The following PKHD1 variants were observed in gnomAD, a reference collection of about 807,000 sequenced individuals.
PKHD1 encodes the protein fibrocystin.
A neutral mutation model predicts 412.0 loss-of-function variants in PKHD1; 291 were observed. The ratio of observed to expected loss-of-function variants is 0.71; its 90% CI spans 0.64 to 0.78. The LOEUF (loss-of-function observed/expected upper bound fraction) is 0.78. Among genes scored for constraint, PKHD1 ranks in the 30% least tolerant of loss-of-function variants. PKHD1 has a pLI of 0.00. For missense variants in PKHD1, 4,825 were observed against 4,950.7 expected (o/e 0.97, Z 0.76); for synonymous variants, 1,777 against 1,821.5 (o/e 0.98, Z 0.62).
rs1370316276 is a variant in PKHD1, at chr6:51,898,284, T to C, written c.6996+5313A>G. 4.7e-5 allele frequency among the ~76,000 whole-genome samples: 7 copies of C among 147,676 alleles called. No homozygotes were observed. The East Asian group carries it at 8.0e-4, about 17-fold the overall frequency. ...TGGAAGTAAAGCTCTCCTCAGCAAATGTAAAAGAACAGAAATTATAACAAA... is the reference window on the plus strand; with the variant it reads ...TGGAAGTAAAGCTCTCCTCAGCAAACGTAAAAGAACAGAAATTATAACAAA... On this transcript the variant is annotated intron_variant, in intron 43 of 66. Transcript: ENST00000371117.
chr6:51,844,696 G>A (rs1770849973), intron 50 of PKHD1, among the ~76,000 whole-genome samples: 1 of 152,148 alleles, frequency 6.6e-6, no homozygotes, highest in Non-Finnish European at 1.5e-5. Flanking sequence ...TTCCTATCCT[G>A]GGGGAAGTGG....
chr6:51,776,352 C>A (rs1444610162), intron 53 of PKHD1, among the ~76,000 whole-genome samples: 1 of 151,926 alleles, frequency 6.6e-6, no homozygotes, highest in Non-Finnish European at 1.5e-5. Context: ...TACAGAATTT[C>A]TTAAATAGCC....
At chr6:52,086,079 T>TAC (rs542649138) in intron 1 of PKHD1, among the ~76,000 whole-genome samples, 47 of 146,432 alleles carry the variant, frequency 3.2e-4, no homozygotes, top group Admixed American at 8.9e-4. Flanking sequence ...CATACCTACA[T>TAC]ACACACACAC....
At chr6:51,802,572 G>T (rs998956974) in intron 52 of PKHD1, among the ~76,000 whole-genome samples, 1 of 151,370 alleles carries the variant, frequency 6.6e-6, no homozygotes, top group African/African-American at 2.4e-5. Flanking sequence ...TTCCTATGTG[G>T]GTTTTTGTTT....
rs1369026474 is a variant in PKHD1, at chr6:52,025,382, G to A, written c.4428C>T (p.Cys1476=). The change falls in exon 32 of 67, where the codon TGC becomes TGT. Residue 1476 remains cysteine, a synonymous_variant. Coordinates refer to ENST00000371117, the MANE Select transcript of PKHD1 (RefSeq NM_138694.4). ...NGLTSECQGN[C]TLFIREEASP... is the part of the protein sequence containing the mutation. ...TTGCCTCTTCCCTTATGAAAAGAGT[G>A]CAATTCCCCTGACACTCGCTGGTTA... The A allele has an allele frequency of 6.2e-7, 1 of 1,612,400 alleles. No homozygotes were observed. Among genetic ancestry groups the A allele is most frequent in the South Asian group, 1.1e-5 (1 of 91,018 alleles).
In PKHD1 at chr6:51,626,978, C is replaced by A; in HGVS notation, c.11785+19G>T. The A allele has an allele frequency of 6.2e-6, 10 of 1,612,916 alleles. No homozygotes were observed. The highest frequency in any genetic ancestry group is 8.5e-6 in the Non-Finnish European group (10 of 1,179,074). On this transcript the variant is annotated intron_variant, in intron 66 of 66. Transcript: ENST00000371117. ...AGTGGGTCTCTCCTGTGGGGATCAT[C>A]TCCACCCTCCAAGCTTACCTTCTCC...
chr6:51,900,572 A>T lies in PKHD1; in HGVS notation c.6996+3025T>A, dbSNP rs548607174. Among the ~76,000 whole-genome samples the T allele has an allele frequency of 2.0e-5, 3 of 152,368 alleles. No homozygotes were observed. The South Asian group carries it at 6.2e-4, about 32-fold the overall frequency. On this transcript the variant is annotated intron_variant, in intron 43 of 66. Coordinates refer to ENST00000371117, the MANE Select transcript of PKHD1 (RefSeq NM_138694.4). ...AGACCTAAAACCATAAAAACCCTAGAAGAAAACCTAGGCATTACCATTCAG... is the reference window on the plus strand; with the variant it reads ...AGACCTAAAACCATAAAAACCCTAGTAGAAAACCTAGGCATTACCATTCAG...
chr6:51,782,380 G>A (rs1038578773), intron 53 of PKHD1, among the ~76,000 whole-genome samples: 17 of 152,120 alleles, frequency 1.1e-4, no homozygotes, highest in Admixed American at 3.3e-4. Flanking sequence ...TTTGAAATAA[G>A]TATTATTTAA....
At chr6:51,746,068 C>G (rs1344585898) in intron 59 of PKHD1, among the ~76,000 whole-genome samples, 1 of 151,998 alleles carries the variant, frequency 6.6e-6, no homozygotes, top group Non-Finnish European at 1.5e-5. Context: ...TTCATTCTTC[C>G]TGTTTCTAAC....
intron 43 of PKHD1, among the ~76,000 whole-genome samples, chr6:51,900,810 C>T (rs1284369939): frequency 6.6e-6 from 1 of 151,676 alleles, no homozygotes; most frequent in Non-Finnish European, 1.5e-5. Context: ...ACAATGAACT[C>T]AAACAAATTT....
chr6:51,663,240 C>T (rs1176547738), intron 60 of PKHD1, among the ~76,000 whole-genome samples: 1 of 152,070 alleles, frequency 6.6e-6, no homozygotes, highest in Non-Finnish European at 1.5e-5. Flanking sequence ...CCTTTTTACA[C>T]ATTTTTTTCA....
In PKHD1 at chr6:51,855,103, C is replaced by T. The variant is rs575294467; in HGVS notation, c.7911+790G>A. On this transcript the variant is annotated intron_variant, in intron 49 of 66. Coordinates refer to ENST00000371117, the MANE Select transcript of PKHD1 (RefSeq NM_138694.4). ...GGGTTGCACAATTCCGTGGAAAAAG[C>T]AGTTTCCCCGGCTGGGTAGCGGCTC... Among the ~76,000 whole-genome samples the T allele has an allele frequency of 2.0e-5, 3 of 152,314 alleles. No homozygotes were observed. In the East Asian group the frequency reaches 5.8e-4, roughly 29 times the overall value.
At chr6:51,967,033 C>T (rs530902340) in intron 35 of PKHD1, among the ~76,000 whole-genome samples, 38 of 152,120 alleles carry the variant, frequency 2.5e-4, no homozygotes, top group African/African-American at 8.0e-4. Flanking sequence ...AAGGATCAGG[C>T]GGCTGGCCCT....
intron 53 of PKHD1, among the ~76,000 whole-genome samples, chr6:51,778,338 A>G (rs1453876269): frequency 1.3e-5 from 2 of 152,168 alleles, no homozygotes; most frequent in South Asian, 2.1e-4. Flanking sequence ...TGCTGCAAAG[A>G]CATTCCGGAT....
chr6:51,801,285 T>C (rs1266141079), intron 52 of PKHD1, among the ~76,000 whole-genome samples: 3 of 152,164 alleles, frequency 2.0e-5, no homozygotes, highest in African/African-American at 2.4e-5. Context: ...TTCACAGAGA[T>C]GAAAGATGAA....
intron 50 of PKHD1, among the ~76,000 whole-genome samples, chr6:51,844,530 G>A (rs921365319): frequency 1.3e-5 from 2 of 152,176 alleles, no homozygotes; most frequent in African/African-American, 4.8e-5. Flanking sequence ...TATTTAGTGG[G>A]CAGCACACTC....
In PKHD1 at chr6:51,670,782, T is replaced by G. The variant is rs561055817; in HGVS notation, c.10157-10813A>C. Among the ~76,000 whole-genome samples the G allele has an allele frequency of 6.1e-3, 919 of 151,362 alleles. 4 individuals carry two copies. Among genetic ancestry groups the G allele is most frequent in the Non-Finnish European group, 9.1e-3 (616 of 67,552 alleles). On this transcript the variant is annotated intron_variant, in intron 60 of 66. Transcript: ENST00000371117. ...TCTCAGCATTTGCTTGTCTGTAAAG[T>G]ATTTTATTTCTCCTTCACTGATGAA...
At chr6:52,081,823 A>G (rs1034000049) in intron 4 of PKHD1, among the ~76,000 whole-genome samples, 1 of 152,160 alleles carries the variant, frequency 6.6e-6, no homozygotes, top group Non-Finnish European at 1.5e-5. Flanking sequence ...CTCTTAACCA[A>G]TCATCTACTT....
intron 35 of PKHD1, among the ~76,000 whole-genome samples, chr6:51,981,409 G>A (rs1184009446): frequency 1.4e-5 from 2 of 140,412 alleles, no homozygotes; most frequent in East Asian, 2.1e-4. Flanking sequence ...AAGGCTGGAC[G>A]GTGCTGCTGC....
Sources: allele counts gnomAD v4.1 joint callset (sites outside exome capture counted in the v4.1 genomes callset), GRCh38; gene constraint gnomAD v4.1.1; transcripts MANE v1.5; gene names NCBI Gene and HGNC (gene_info 2026-07-23, HGNC 2026-07-21).